The following FRMD5 variants were observed in gnomAD, a reference collection of about 807,000 sequenced individuals.
FRMD5 encodes FERM domain-containing protein 5.
Under a neutral mutation model 69.0 loss-of-function variants are expected in FRMD5, and 20 were observed. That is an observed-to-expected ratio of 0.29 (90% CI 0.20 to 0.42). FRMD5 has a LOEUF of 0.42. Among genes scored for constraint, FRMD5 ranks in the 10% least tolerant of loss-of-function variants. The pLI, the probability that FRMD5 is intolerant of heterozygous loss-of-function variation, is 1.00. For missense variants in FRMD5, 595 were observed against 708.6 expected (o/e 0.84, Z 1.82); for synonymous variants, 271 against 260.1 (o/e 1.04, Z -0.40).
intron 1 of FRMD5, among the ~76,000 whole-genome samples, chr15:44,110,339 C>A (rs1207018680): frequency 6.6e-6 from 1 of 152,142 alleles, no homozygotes; most frequent in Non-Finnish European, 1.5e-5. Flanking sequence ...ACTGCAGGCC[C>A]ACAGCACCAT....
At chr15:44,014,946 CAA>C (rs1192143960) in intron 1 of FRMD5, among the ~76,000 whole-genome samples, 2 of 151,960 alleles carry the variant, frequency 1.3e-5, no homozygotes, top group African/African-American at 4.8e-5. Context: ...GATGAAAGCA[CAA>C]GAGGAAATTA....
At chr15:43,892,162 C>G (rs747062455) in intron 7 of FRMD5, 93 bp from the exon 8 acceptor site, 51 of 1,080,596 alleles carry the variant, frequency 4.7e-5, no homozygotes, top group Non-Finnish European at 7.2e-5. Flanking sequence ...AGGGTTAATA[C>G]TTGGCAGTAG....
chr15:44,005,613 A>C (rs1174449418), intron 1 of FRMD5, among the ~76,000 whole-genome samples: 1 of 152,124 alleles, frequency 6.6e-6, no homozygotes, highest in Non-Finnish European at 1.5e-5. Flanking sequence ...CAGGAAACTT[A>C]CAATCATGGT....
intron 1 of FRMD5, among the ~76,000 whole-genome samples, chr15:44,010,291 G>A (rs913945266): frequency 6.6e-6 from 1 of 152,036 alleles, no homozygotes; most frequent in Non-Finnish European, 1.5e-5. Flanking sequence ...ATGGAATACA[G>A]TGAATTACCC....
intron 1 of FRMD5, among the ~76,000 whole-genome samples, chr15:44,147,484 A>T (rs1339758817): frequency 6.6e-6 from 1 of 152,150 alleles, no homozygotes. Context: ...TATGAATTTT[A>T]AAGTAGTTTT....
At chr15:43,969,503 T>C (rs11632185) in intron 1 of FRMD5, among the ~76,000 whole-genome samples, 3 of 152,248 alleles carry the variant, frequency 2.0e-5, no homozygotes, top group Non-Finnish European at 2.9e-5. Flanking sequence ...TGTGTGCTTC[T>C]GAGCATATAA....
chr15:44,096,105 C>A (rs2076547685), intron 1 of FRMD5, among the ~76,000 whole-genome samples: 1 of 146,630 alleles, frequency 6.8e-6, no homozygotes, highest in South Asian at 2.2e-4. Flanking sequence ...ATTCGGGAGG[C>A]TGAGGCAGGA....
chr15:44,052,041 T>C (rs1892691119), intron 1 of FRMD5, among the ~76,000 whole-genome samples: 1 of 152,108 alleles, frequency 6.6e-6, no homozygotes, highest in African/African-American at 2.4e-5. Context: ...GTACAGCCCA[T>C]ACTAAAGGAG....
At position 43,906,021 on chromosome 15, in the gene FRMD5, A is replaced by G. The variant is rs776988275; in HGVS notation, c.428-70T>C. ...ATCATCATTGACAAAGCAACAAGAG[A>G]TTAGCACACAGAGCAAAAGCCAAAA... On this transcript the variant is annotated intron_variant, in intron 5 of 13. Transcript: ENST00000417257. 227 of 1,594,628 alleles carry G rather than the reference A, an allele frequency of 1.4e-4. 1 individual carries two copies. Among genetic ancestry groups the G allele is most frequent in the Non-Finnish European group, 1.8e-4 (208 of 1,164,220 alleles).
At chr15:44,016,671 C>T (rs1319606408) in intron 1 of FRMD5, among the ~76,000 whole-genome samples, 3 of 151,402 alleles carry the variant, frequency 2.0e-5, no homozygotes, top group East Asian at 2.0e-4. Flanking sequence ...TGCAGTGAGC[C>T]GAGATTACAC....
intron 1 of FRMD5, among the ~76,000 whole-genome samples, chr15:43,995,123 T>C (rs1187210105): frequency 2.6e-5 from 4 of 151,568 alleles, no homozygotes; most frequent in African/African-American, 7.3e-5. Flanking sequence ...AAGTCCCTTA[T>C]ATAAAACAAT....
chr15:44,171,647 C>A (rs2077805885), intron 1 of FRMD5, among the ~76,000 whole-genome samples: 2 of 152,150 alleles, frequency 1.3e-5, no homozygotes, highest in Admixed American at 6.5e-5. Context: ...TTGAACTCAA[C>A]TGGCATTGAT....
intron 1 of FRMD5, among the ~76,000 whole-genome samples, chr15:44,052,791 A>T (rs1355951818): frequency 6.6e-6 from 1 of 152,190 alleles, no homozygotes; most frequent in Non-Finnish European, 1.5e-5. Context: ...TTAGAGCCAG[A>T]AAGGGCCTTA....
chr15:44,031,269 C>A (rs539059678), intron 1 of FRMD5, among the ~76,000 whole-genome samples: 1 of 152,180 alleles, frequency 6.6e-6, no homozygotes, highest in Non-Finnish European at 1.5e-5. Flanking sequence ...AAAAGCCACA[C>A]ACAACTGGAT....
At chr15:44,122,507 A>T (rs539879812) in intron 1 of FRMD5, among the ~76,000 whole-genome samples, 2 of 152,214 alleles carry the variant, frequency 1.3e-5, no homozygotes, top group South Asian at 4.1e-4. Context: ...TGAGCCTGGG[A>T]GGCAGAGGTT....
intron 1 of FRMD5, among the ~76,000 whole-genome samples, chr15:44,022,826 G>A (rs1045289942): frequency 5.9e-5 from 9 of 152,122 alleles, no homozygotes; most frequent in African/African-American, 2.2e-4. Flanking sequence ...GACCATCTGA[G>A]TAGTCTAGCA....
intron 4 of FRMD5, among the ~76,000 whole-genome samples, chr15:43,917,539 A>T (rs1350213247): frequency 6.6e-6 from 1 of 151,998 alleles, no homozygotes; most frequent in Non-Finnish European, 1.5e-5. Context: ...TACAGGCGTG[A>T]TGGCCCGGCT....
intron 1 of FRMD5, among the ~76,000 whole-genome samples, chr15:44,148,357 T>A (rs543418512): frequency 6.6e-6 from 1 of 152,128 alleles, no homozygotes; most frequent in African/African-American, 2.4e-5. Context: ...CTGCAAGCTC[T>A]GCCTCCCGGG....
intron 1 of FRMD5, among the ~76,000 whole-genome samples, chr15:44,105,948 A>G (rs1377329802): frequency 1.3e-5 from 2 of 152,202 alleles, no homozygotes; most frequent in East Asian, 1.9e-4. Context: ...TAGTATTTGC[A>G]TATAAGCTAG....
Sources: gnomAD v4.1 joint callset for allele counts (sites outside exome capture counted in the v4.1 genomes callset) on GRCh38, gnomAD v4.1.1 for gene constraint, MANE v1.5 for transcripts, NCBI Gene and HGNC (gene_info 2026-07-23, HGNC 2026-07-21) for gene names.